The following PATZ1 variants were observed in gnomAD, a reference collection of about 807,000 sequenced individuals.
PATZ1 encodes the protein POZ-, AT hook-, and zinc finger-containing protein 1.
Under a neutral mutation model 46.2 loss-of-function variants are expected in PATZ1, and 9 were observed. That is an observed-to-expected ratio of 0.19 (90% CI 0.12 to 0.34). The LOEUF is 0.34. PATZ1 is among the 10% of genes least tolerant of loss of function. The pLI is 1.00. For missense variants in PATZ1, 632 were observed against 923.0 expected (o/e 0.68, Z 4.08); for synonymous variants, 426 against 378.6 (o/e 1.13, Z -1.45).
At chr22:31,342,800 G>A in intron 2 of PATZ1, 97 bp downstream of exon 2, 2 of 1,372,608 alleles carry the variant, frequency 1.5e-6, no homozygotes, top group South Asian at 2.5e-5. Context: ...TGGGCGGTCA[G>A]CCGGGCCCCC....
chr22:31,339,464 G>A (rs2049552774), intron 2 of PATZ1, among the ~76,000 whole-genome samples: 1 of 152,188 alleles, frequency 6.6e-6, no homozygotes, highest in Non-Finnish European at 1.5e-5. Context: ...AAAGAGCCTG[G>A]TCACACAACC....
At position 31,335,878 on chromosome 22, in the gene PATZ1, G is replaced by A; in HGVS notation, c.1336-15C>T. 2 of 1,609,304 alleles carry A rather than the reference G, an allele frequency of 1.2e-6. No individual in the cohort carries two copies. The highest frequency in any genetic ancestry group is 1.7e-6 in the Non-Finnish European group (2 of 1,176,682). ...GCATTGCAGGTCTGAAGGCAGAAAA[G>A]AAAATGGGATGATGTGAAACCCAGC... On this transcript the variant is annotated splice_polypyrimidine_tract_variant and intron_variant, in intron 2 of 4. Coordinates refer to ENST00000266269, the MANE Select transcript of PATZ1 (RefSeq NM_014323.3).
chr22:31,342,844 G>A (rs1048692082), intron 2 of PATZ1, 53 bp downstream of exon 2: 23 of 1,597,066 alleles, frequency 1.4e-5, no homozygotes, highest in East Asian at 1.1e-4. Context: ...GGCTGCGACC[G>A]TGAGAACAGC....
chr22:31,345,752 A>T lies in PATZ1; in HGVS notation c.-150T>A, dbSNP rs992135165. 4.0e-6 allele frequency: 3 copies of T among 748,454 alleles called. No homozygotes were observed. The South Asian group carries it at 5.7e-5, about 14-fold the overall frequency. 46.4% of individuals were successfully genotyped at this position (748,454 alleles called of 1,614,324 possible). On this transcript the variant is annotated 5_prime_UTR_variant, in exon 1 of 5. Coordinates refer to ENST00000266269, the MANE Select transcript of PATZ1 (RefSeq NM_014323.3). The surrounding 1 kb of genome is among the most constrained non-coding windows in gnomAD (Gnocchi z 7.4). ...GTAGTCTCGCAGGTGCGCCGAGTGT[A>T]CACGCCCCCAGCCCGGATCAGACTG...
In PATZ1 at chr22:31,340,947, T is replaced by C. The variant is rs571071532; in HGVS notation, c.1335+1950A>G. ...TGAGTGGGAAGGGCAGAGGGCAGCATGGGTTGACTCTAGTTGGAATTGTGC... is the reference window on the plus strand; with the variant it reads ...TGAGTGGGAAGGGCAGAGGGCAGCACGGGTTGACTCTAGTTGGAATTGTGC... On this transcript the variant is annotated intron_variant, in intron 2 of 4. Coordinates refer to ENST00000266269, the MANE Select transcript of PATZ1 (RefSeq NM_014323.3). The C allele has an allele frequency of 3.7e-6, 4 of 1,068,880 alleles. No homozygotes were observed. The South Asian group carries it at 1.4e-4, about 36-fold the overall frequency. The allele number at this position is 1,068,880 out of a possible 1,614,324, so 66.2% of individuals were successfully genotyped here.
chr22:31,333,245 G>A (rs2049464222), intron 3 of PATZ1, among the ~76,000 whole-genome samples: 1 of 152,144 alleles, frequency 6.6e-6, no homozygotes, highest in Non-Finnish European at 1.5e-5. Context: ...AAGAATTGTT[G>A]GGATTGAAGG....
chr22:31,339,338 T>A (rs1200841364), intron 2 of PATZ1, among the ~76,000 whole-genome samples: 1 of 152,132 alleles, frequency 6.6e-6, no homozygotes, highest in Non-Finnish European at 1.5e-5. Flanking sequence ...CTGAAGTGAT[T>A]GTTGGCTTCT....
chr22:31,327,207 T>A lies in PATZ1; in HGVS notation c.1748A>T (p.Asn583Ile). The A allele has an allele frequency of 6.2e-7, 1 of 1,614,210 alleles. No individual in the cohort carries two copies. The highest frequency in any genetic ancestry group is 8.5e-7 in the Non-Finnish European group (1 of 1,180,020). ...DLKTPEKQSA[N>I]GSFSCDMAVP... Reference sequence around the variant, plus strand: ...TGCCATGTCGCAGGAGAAAGAGCCATTGGCACTCTGCTTCTCTGGCGTCTT... The same window carrying A: ...TGCCATGTCGCAGGAGAAAGAGCCAATGGCACTCTGCTTCTCTGGCGTCTT... The change falls in exon 5 of 5, where the codon AAT becomes ATT. Residue 583 changes from asparagine to isoleucine, a missense_variant. Asn to Ile is a moderately radical substitution (Grantham distance 149, BLOSUM62 -3). This residue lies in a region of PATZ1 where 176 missense variants were observed against 249.4 expected (regional missense o/e 0.71). Transcript: ENST00000266269. The surrounding 1 kb of genome is among the most constrained non-coding windows in gnomAD (Gnocchi z 4.2).
At chr22:31,341,620 A>G in intron 2 of PATZ1, 1 of 1,614,128 alleles carries the variant, frequency 6.2e-7, no homozygotes, top group Non-Finnish European at 8.5e-7. Flanking sequence ...GCAAAGTCCC[A>G]TGATGGCAGG....
At chr22:31,343,530 C>A in intron 1 of PATZ1, 1 of 705,262 alleles carries the variant, frequency 1.4e-6, no homozygotes, top group Non-Finnish European at 1.7e-6. Context: ...CTGGTCGGGG[C>A]CCTCTGAGGG....
chr22:31,345,267 C>G lies in PATZ1; in HGVS notation c.336G>C (p.Lys112Asn). 1 of 1,613,056 alleles carries G rather than the reference C, an allele frequency of 6.2e-7. No individual in the cohort carries two copies. Among genetic ancestry groups the G allele is most frequent in the Non-Finnish European group, 8.5e-7 (1 of 1,179,292 alleles). The change falls in exon 1 of 5, where the codon AAG becomes AAC. Residue 112 changes from lysine (K) to asparagine (N), a missense_variant. By Grantham distance (94) the Lys-to-Asn change is moderately conservative (BLOSUM62 0). Coordinates refer to ENST00000266269, the MANE Select transcript of PATZ1 (RefSeq NM_014323.3). The surrounding 1 kb of genome is among the most constrained non-coding windows in gnomAD (Gnocchi z 7.4). Reference sequence around the variant, plus strand: ...CGAAGTCCAGAATGTCCCCAAATACCTTGGAGCTGATAGTGTGCATCTCCA... The same window carrying G: ...CGAAGTCCAGAATGTCCCCAAATACGTTGGAGCTGATAGTGTGCATCTCCA... ...RELEMHTISS[K>N]VFGDILDFAY...
At chr22:31,329,697 G>T (rs1303535454) in intron 3 of PATZ1, among the ~76,000 whole-genome samples, 1 of 152,134 alleles carries the variant, frequency 6.6e-6, no homozygotes, top group Admixed American at 6.5e-5. Context: ...GCCTTCTTGG[G>T]ACTGTTCCAG....
rs1378508134 is a variant in PATZ1 at position 31,346,217 on chromosome 22, C to CGGCGGCGGCTGGAGCGGGCG, written c.-635_-616dup. On this transcript the variant is annotated 5_prime_UTR_variant, in exon 1 of 5. Transcript: ENST00000266269. Reference sequence around the variant, plus strand: ...GGAGCCTGGAGGGCGGTGGCGGCGGCGGCGGCGGCTGGAGCGGGCGGGCGG... The same window carrying CGGCGGCGGCTGGAGCGGGCG: ...GGAGCCTGGAGGGCGGTGGCGGCGGCGGCGGCGGCTGGAGCGGGCGGGCGGCGGCTGGAGCGGGCGGGCGG... 11 of 152,696 alleles carry CGGCGGCGGCTGGAGCGGGCG rather than the reference C, an allele frequency of 7.2e-5. No homozygotes were observed. The South Asian group carries it at 1.2e-3, about 17-fold the overall frequency. 9.5% of individuals were successfully genotyped at this position (152,696 alleles called of 1,614,324 possible).
chr22:31,333,300 C>T (rs936386691), intron 3 of PATZ1, among the ~76,000 whole-genome samples: 8 of 152,174 alleles, frequency 5.3e-5, no homozygotes. Context: ...CTTAACTGTT[C>T]TGACATTCAG....
rs1483687833 is a variant in PATZ1, at chr22:31,341,052, G to A, written c.1335+1845C>T. On this transcript the variant is annotated intron_variant, in intron 2 of 4. Coordinates refer to ENST00000266269, the MANE Select transcript of PATZ1 (RefSeq NM_014323.3). The stretch of plus-strand genomic sequence containing the variant: ...CCCAGTCTAGAAACCCCAGGCCTAT[G>A]GGAAGTGATGCCAGGGGAAGGGAAG... 63 of 1,088,384 alleles carry A rather than the reference G, an allele frequency of 5.8e-5. No homozygotes were observed. The Middle Eastern group carries it at 2.0e-3, about 35-fold the overall frequency. 67.4% of individuals were successfully genotyped at this position (1,088,384 alleles called of 1,614,324 possible).
rs564721310 is a variant in PATZ1, at chr22:31,346,013, G to T, written c.-411C>A. On this transcript the variant is annotated 5_prime_UTR_variant, in exon 1 of 5. Coordinates refer to ENST00000266269, the MANE Select transcript of PATZ1 (RefSeq NM_014323.3). ...CGCGCACGCGGGGAGGAGAAGGAGG[G>T]GTCCGCCGCGCAGGCGCGCGCGCGC... The T allele has an allele frequency of 5.4e-6, 1 of 183,718 alleles. No individual in the cohort carries two copies. Among genetic ancestry groups the T allele is most frequent in the Non-Finnish European group, 1.1e-5 (1 of 87,192 alleles). The allele number at this position is 183,718 out of a possible 1,614,324, so 11.4% of individuals were successfully genotyped here. A position where few individuals can be genotyped will look rare whatever the true frequency, so the allele number is the denominator to read the frequency against.
intron 2 of PATZ1, among the ~76,000 whole-genome samples, chr22:31,342,058 C>T (rs1490028939): frequency 1.3e-5 from 2 of 152,186 alleles, no homozygotes; most frequent in African/African-American, 4.8e-5. Flanking sequence ...CTGCAGTGCA[C>T]ACCCCACAAT....
intron 3 of PATZ1, among the ~76,000 whole-genome samples, chr22:31,334,341 A>G (rs1388911904): frequency 6.6e-6 from 1 of 152,102 alleles, no homozygotes; most frequent in African/African-American, 2.4e-5. Context: ...AGCTTAAGAG[A>G]CCTTCACTAC....
rs542267922 is a variant in PATZ1, at chr22:31,345,862, C to G, written c.-260G>C. The G allele has an allele frequency of 2.5e-6, 1 of 397,140 alleles. No homozygotes were observed. The highest frequency in any genetic ancestry group is 2.1e-5 in the African/African-American group (1 of 48,390). 24.6% of individuals were successfully genotyped at this position (397,140 alleles called of 1,614,324 possible). On this transcript the variant is annotated 5_prime_UTR_variant, in exon 1 of 5. Transcript: ENST00000266269. The surrounding 1 kb of genome is among the most constrained non-coding windows in gnomAD (Gnocchi z 7.4). ...CGCCACTCTCTCCTCTCCGCCCGCCCGCCTCCCCTTCCCGGTCTACCTTCC... is the reference window on the plus strand; with the variant it reads ...CGCCACTCTCTCCTCTCCGCCCGCCGGCCTCCCCTTCCCGGTCTACCTTCC...
Sources: gnomAD v4.1 joint callset for allele counts (sites outside exome capture counted in the v4.1 genomes callset) on GRCh38, gnomAD v4.1.1 for gene constraint, gnomAD v4.1.1 regional missense constraint, Gnocchi (gnomAD v3.1) non-coding constraint, MANE v1.5 for transcripts, NCBI Gene and HGNC (gene_info 2026-07-23, HGNC 2026-07-21) for gene names.